PRSS23: variants seen among roughly 807,000 people sequenced by gnomAD.
PRSS23 encodes serine protease 23.
A neutral mutation model predicts 34.7 loss-of-function variants in PRSS23; 25 were observed. That is an observed-to-expected ratio of 0.72 (90% CI 0.53 to 1.01). The LOEUF is 1.01. Among genes scored for constraint, PRSS23 ranks in the 50% least tolerant of loss-of-function variants. The pLI is 0.00. For missense variants in PRSS23, 445 were observed against 475.6 expected (o/e 0.94, Z 0.60); for synonymous variants, 176 against 186.6 (o/e 0.94, Z 0.46).
rs551683368 is a variant in PRSS23 at position 86,884,672 on chromosome 11, C to G, written c.206+61079C>G. ...TACCCATGGAACAATCTCCAAATTGCTTTGCATAACACATAAGCCTTCAAG... is the reference window on the plus strand; with the variant it reads ...TACCCATGGAACAATCTCCAAATTGGTTTGCATAACACATAAGCCTTCAAG... On this transcript the variant is annotated intron_variant, in intron 2 of 2. Transcript: ENST00000533902. Among the ~76,000 whole-genome samples the G allele has an allele frequency of 3.1e-3, 476 of 152,356 alleles. 4 individuals are homozygous for G. The highest frequency in any genetic ancestry group is 0.011 in the African/African-American group (451 of 41,572).
At chr11:86,938,003 G>T (rs1010999170) in intron 2 of PRSS23, among the ~76,000 whole-genome samples, 17 of 152,130 alleles carry the variant, frequency 1.1e-4, no homozygotes, top group Non-Finnish European at 1.9e-4. Context: ...GATAATAAAT[G>T]GTTCTGCACA....
intron 1 of PRSS23, among the ~76,000 whole-genome samples, chr11:86,803,010 A>G (rs900422897): frequency 6.6e-6 from 1 of 152,216 alleles, no homozygotes; most frequent in Non-Finnish European, 1.5e-5. Context: ...GAAAAGGAAT[A>G]GTTTCTGTAT....
chr11:86,900,156 G>T (rs1412240910), intron 2 of PRSS23, among the ~76,000 whole-genome samples: 3 of 152,134 alleles, frequency 2.0e-5, no homozygotes, highest in Non-Finnish European at 2.9e-5. Context: ...CTTAAGACTG[G>T]TATCTTGTTC....
chr11:86,924,433 T>C (rs1949067322), intron 2 of PRSS23, among the ~76,000 whole-genome samples: 1 of 152,214 alleles, frequency 6.6e-6, no homozygotes, highest in Non-Finnish European at 1.5e-5. Context: ...CAAACTCTGT[T>C]AAATTTTGGA....
chr11:86,947,210 CAAACAA>C (rs1949251170), intron 2 of PRSS23: 1 of 93,510 alleles, frequency 1.1e-5, no homozygotes, highest in African/African-American at 6.0e-5. Context: ...CTCAAACAAA[CAAACAA>C]ACAAACAAAC....
At chr11:86,877,530 G>A (rs1466147112) in intron 2 of PRSS23, among the ~76,000 whole-genome samples, 1 of 152,038 alleles carries the variant, frequency 6.6e-6, no homozygotes, top group Non-Finnish European at 1.5e-5. Flanking sequence ...GGAAGGTAAG[G>A]GAGGTGTTCA....
At chr11:86,887,944 C>A (rs1037551507) in intron 2 of PRSS23, among the ~76,000 whole-genome samples, 38 of 151,516 alleles carry the variant, frequency 2.5e-4, no homozygotes, top group African/African-American at 9.2e-4. Context: ...CCCAGCTACT[C>A]GGGAGGCTGA....
rs550317743 is a variant in PRSS23, at chr11:86,847,351, G to A, written c.206+23758G>A. Among the ~76,000 whole-genome samples, 14 of 152,342 alleles carry A rather than the reference G, an allele frequency of 9.2e-5. No individual in the cohort carries two copies. In the South Asian group the frequency reaches 2.1e-3, roughly 23 times the overall value. ...CTTGCCACCCTGGAACAGGTTGGATGTATTGGCAGAAGGACCATAATAAAT... is the reference window on the plus strand; with the variant it reads ...CTTGCCACCCTGGAACAGGTTGGATATATTGGCAGAAGGACCATAATAAAT... On this transcript the variant is annotated intron_variant, in intron 2 of 2. Transcript: ENST00000533902.
intron 2 of PRSS23, among the ~76,000 whole-genome samples, chr11:86,879,743 C>A (rs551611536): frequency 2.6e-4 from 29 of 113,002 alleles, no homozygotes; most frequent in Admixed American, 3.5e-4. Context: ...GCCCCCCGCC[C>A]GGCCAGCCGC....
At chr11:86,829,257 C>G (rs1479786039) in intron 2 of PRSS23, among the ~76,000 whole-genome samples, 2 of 152,220 alleles carry the variant, frequency 1.3e-5, no homozygotes, top group Non-Finnish European at 2.9e-5. Flanking sequence ...TCTTCCATCA[C>G]TGATATCCTT....
At chr11:86,886,141 A>G (rs1948800577) in intron 2 of PRSS23, among the ~76,000 whole-genome samples, 2 of 152,200 alleles carry the variant, frequency 1.3e-5, no homozygotes. Context: ...AGGCAGGAGA[A>G]TTGCTTGAGT....
downstream of PRSS23, among the ~76,000 whole-genome samples, chr11:86,815,389 C>T (rs1015274328): frequency 6.6e-6 from 1 of 152,152 alleles, no homozygotes; most frequent in Non-Finnish European, 1.5e-5. Context: ...GTTGTGTCCC[C>T]ACAATTAGAA....
Position 86,874,388 on chromosome 11 carries a change from A to C in PRSS23, c.206+50795A>C, listed in dbSNP as rs117944165. 2.9e-3 allele frequency among the ~76,000 whole-genome samples: 439 copies of C among 152,334 alleles called. 3 individuals carry two copies. The highest frequency in any genetic ancestry group is 0.019 in the South Asian group (94 of 4,826). On this transcript the variant is annotated intron_variant, in intron 2 of 2. Coordinates refer to the PRSS23 transcript ENST00000533902. The stretch of plus-strand genomic sequence containing the variant: ...CATTTGTTAATATAAATAGGTCCCA[A>C]ATATTGCATGGGCATCCTGTATTTT...
chr11:86,859,439 T>G (rs1269901363), intron 2 of PRSS23, among the ~76,000 whole-genome samples: 1 of 151,982 alleles, frequency 6.6e-6, no homozygotes, highest in Non-Finnish European at 1.5e-5. Context: ...GGGAAGAGGC[T>G]TATATTACTC....
At position 86,823,823 on chromosome 11, in the gene PRSS23, G is replaced by A. The variant is rs866537067; in HGVS notation, c.206+230G>A. On this transcript the variant is annotated intron_variant, in intron 2 of 2. Coordinates refer to the PRSS23 transcript ENST00000533902. The stretch of plus-strand genomic sequence containing the variant: ...AGATCGAGACCATCCTGGCTAACAC[G>A]GTGAAACCCCGTCTCTACTAAAAAT... Among the ~76,000 whole-genome samples, 191 of 151,884 alleles carry A rather than the reference G, an allele frequency of 1.3e-3. 1 individual carries two copies. The highest frequency in any genetic ancestry group is 4.4e-3 in the African/African-American group (181 of 41,464).
chr11:86,839,153 T>A (rs1948429254), intron 2 of PRSS23, among the ~76,000 whole-genome samples: 1 of 151,784 alleles, frequency 6.6e-6, no homozygotes, highest in African/African-American at 2.4e-5. Context: ...GCTTAACGAG[T>A]TGACAGAAGT....
chr11:86,939,426 A>ATATTTTTTT lies in PRSS23; in HGVS notation c.207-11789_207-11788insATTTTTTTT. On this transcript the variant is annotated intron_variant, in intron 2 of 2. Coordinates refer to the PRSS23 transcript ENST00000533902. Reference sequence around the variant, plus strand: ...AAAATATATATATATATATATATATATTTTTTAACATGAGTAAAAATTGCA... The same window carrying ATATTTTTTT: ...AAAATATATATATATATATATATATATATTTTTTTTTTTTTAACATGAGTAAAAATTGCA... Among the ~76,000 whole-genome samples the ATATTTTTTT allele has an allele frequency of 6.8e-4, 64 of 94,052 alleles. 1 individual carries two copies. The highest frequency in any genetic ancestry group is 6.0e-3 in the South Asian group (17 of 2,834). 61.7% of individuals were successfully genotyped at this position (94,052 alleles called of 152,430 possible). A position where few individuals can be genotyped will look rare whatever the true frequency, so the allele number is the denominator to read the frequency against.
chr11:86,877,100 T>G (rs935089443), intron 2 of PRSS23, among the ~76,000 whole-genome samples: 5 of 152,230 alleles, frequency 3.3e-5, no homozygotes, highest in Non-Finnish European at 7.3e-5. Context: ...ATGGGTAATG[T>G]GCAGTATAAG....
chr11:86,839,242 C>A (rs748951048), intron 2 of PRSS23, among the ~76,000 whole-genome samples: 10 of 151,994 alleles, frequency 6.6e-5, no homozygotes, highest in Admixed American at 1.3e-4. Context: ...AAGCTAAAAA[C>A]CTTGAAAAAA....
Sources: allele counts gnomAD v4.1 joint callset (sites outside exome capture counted in the v4.1 genomes callset), GRCh38; gene constraint gnomAD v4.1.1; transcripts MANE v1.5; gene names NCBI Gene and HGNC (gene_info 2026-07-23, HGNC 2026-07-21).